Variants in CCSER1 observed in about 807,000 individuals in gnomAD.
The protein encoded by CCSER1 is serine-rich coiled-coil domain-containing protein 1.
Under a neutral mutation model 82.0 loss-of-function variants are expected in CCSER1, and 41 were observed. The observed-to-expected ratio is 0.50, with a 90% CI of 0.39 to 0.65. The LOEUF (loss-of-function observed/expected upper bound fraction) is 0.65, where lower values mean the gene tolerates loss of function less well. Ranked by LOEUF, CCSER1 falls within the 30% of genes least tolerant of loss-of-function variation. CCSER1 has a pLI of 0.00. For missense variants in CCSER1, 1,119 were observed against 1,064.2 expected (o/e 1.05, Z -0.72); for synonymous variants, 414 against 383.9 (o/e 1.08, Z -0.92).
chr4:91,486,469 T>A (rs6532311), intron 10 of CCSER1, among the ~76,000 whole-genome samples: 121,888 of 151,968 alleles, frequency 0.8, 49,063 homozygotes, highest in East Asian at 0.93. Context: ...CCAAAATTTA[T>A]TTAGTCATTT....
At chr4:91,166,296 A>G (rs1732069096) in intron 10 of CCSER1, among the ~76,000 whole-genome samples, 1 of 152,172 alleles carries the variant, frequency 6.6e-6, no homozygotes, top group South Asian at 2.1e-4. Context: ...CCATTTGTTC[A>G]TTAATTCAGC....
chr4:90,276,771 A>G (rs918399518), intron 1 of CCSER1, among the ~76,000 whole-genome samples: 1 of 152,168 alleles, frequency 6.6e-6, no homozygotes, highest in Admixed American at 6.6e-5. Flanking sequence ...TTCTTTTAAC[A>G]GTGTTTTGTC....
Position 90,376,595 on chromosome 4 carries a change from A to G in CCSER1, c.1510-23441A>G, listed in dbSNP as rs764457359. Among the ~76,000 whole-genome samples the G allele has an allele frequency of 7.2e-5, 11 of 152,276 alleles. No individual in the cohort carries two copies. In the South Asian group the frequency reaches 1.7e-3, roughly 23 times the overall value. On this transcript the variant is annotated intron_variant, in intron 3 of 10. Transcript: ENST00000509176. ...GTCTGTGTCTGGAACCCTGGGGCAC[A>G]TGGTTGAGATCATTTCTACAAGTCA...
intron 9 of CCSER1, among the ~76,000 whole-genome samples, chr4:91,049,503 T>C (rs1186036043): frequency 6.6e-6 from 1 of 152,236 alleles, no homozygotes; most frequent in Admixed American, 6.5e-5. Context: ...GGAAGATTTT[T>C]CCATTTTCAA....
chr4:90,265,721 A>G (rs1725119434), intron 1 of CCSER1, among the ~76,000 whole-genome samples: 1 of 152,154 alleles, frequency 6.6e-6, no homozygotes, highest in Non-Finnish European at 1.5e-5. Flanking sequence ...TGAAATATTA[A>G]TTGCATGATC....
chr4:90,130,621 T>C (rs1005119670), intron 1 of CCSER1, among the ~76,000 whole-genome samples: 4 of 152,158 alleles, frequency 2.6e-5, no homozygotes, highest in African/African-American at 9.6e-5. Context: ...CACATTCTAT[T>C]CTTTTTTTTT....
At chr4:91,008,018 T>A (rs1353739589) in intron 9 of CCSER1, among the ~76,000 whole-genome samples, 1 of 152,146 alleles carries the variant, frequency 6.6e-6, no homozygotes. Context: ...AAGAGTGTGA[T>A]GTTTAATTTC....
chr4:91,408,577 A>G (rs1392749847), intron 10 of CCSER1, among the ~76,000 whole-genome samples: 1 of 152,160 alleles, frequency 6.6e-6, no homozygotes, highest in East Asian at 1.9e-4. Context: ...ATCTCTTCCT[A>G]AATTTTATTT....
intron 1 of CCSER1, among the ~76,000 whole-genome samples, chr4:90,135,102 A>G (rs1418000331): frequency 6.6e-6 from 1 of 152,182 alleles, no homozygotes; most frequent in Non-Finnish European, 1.5e-5. Context: ...AGCCTTAACC[A>G]TGCTCCTGAT....
chr4:90,615,289 G>A (rs924468760), intron 5 of CCSER1, among the ~76,000 whole-genome samples: 13 of 152,152 alleles, frequency 8.5e-5, no homozygotes, highest in Admixed American at 1.3e-4. Flanking sequence ...CTCATGGATC[G>A]TTGAGGAATT....
At chr4:91,084,583 T>C (rs1319108349) in intron 9 of CCSER1, among the ~76,000 whole-genome samples, 1 of 152,174 alleles carries the variant, frequency 6.6e-6, no homozygotes, top group Non-Finnish European at 1.5e-5. Context: ...TGAATACTAC[T>C]TCAGAATTTA....
At chr4:90,855,601 T>C (rs1764373049) in intron 8 of CCSER1, among the ~76,000 whole-genome samples, 1 of 152,196 alleles carries the variant, frequency 6.6e-6, no homozygotes, top group Non-Finnish European at 1.5e-5. Flanking sequence ...CAATAATATT[T>C]ACTTAAAATT....
intron 10 of CCSER1, among the ~76,000 whole-genome samples, chr4:91,181,178 G>C (rs991606385): frequency 1.3e-5 from 2 of 152,172 alleles, no homozygotes; most frequent in African/African-American, 4.8e-5. Context: ...CAGATTTTGG[G>C]GGGCCTGCTC....
At chr4:90,497,473 T>C (rs974607588) in intron 5 of CCSER1, among the ~76,000 whole-genome samples, 1 of 152,176 alleles carries the variant, frequency 6.6e-6, no homozygotes, top group Admixed American at 6.5e-5. Context: ...TCCTCATAAC[T>C]AAGAATAAAA....
chr4:91,117,373 A>G (rs1030579248), intron 10 of CCSER1, among the ~76,000 whole-genome samples: 6 of 152,202 alleles, frequency 3.9e-5, no homozygotes, highest in Non-Finnish European at 5.9e-5. Context: ...AGTTGGCCTT[A>G]AGCAAGCTAT....
At chr4:91,539,317 C>G (rs1055235797) in intron 10 of CCSER1, among the ~76,000 whole-genome samples, 1 of 152,034 alleles carries the variant, frequency 6.6e-6, no homozygotes, top group Non-Finnish European at 1.5e-5. Flanking sequence ...TAATACTGAT[C>G]TTTATCCATG....
At chr4:91,045,073 C>A (rs35442682) in intron 9 of CCSER1, among the ~76,000 whole-genome samples, 1 of 151,826 alleles carries the variant, frequency 6.6e-6, no homozygotes, top group African/African-American at 2.4e-5. Context: ...GTATCTTATA[C>A]ATATAAACCT....
intron 6 of CCSER1, among the ~76,000 whole-genome samples, chr4:90,662,090 C>T (rs1730922047): frequency 6.6e-6 from 1 of 151,666 alleles, no homozygotes; most frequent in African/African-American, 2.4e-5. Context: ...CCTCCGCCTC[C>T]CAGGTTCACG....
In CCSER1 at chr4:91,387,736, AT is replaced by A. The variant is rs575579965; in HGVS notation, c.2218-210835del. On this transcript the variant is annotated intron_variant, in intron 10 of 10. Coordinates refer to ENST00000509176, the MANE Select transcript of CCSER1 (RefSeq NM_001145065.2). ...AAGGAGTTAACTAAATGATAAAAAA[AT>A]GATAAGACAGATAAGAGAGATAAGA... 2.1e-4 allele frequency among the ~76,000 whole-genome samples: 24 copies of A among 116,158 alleles called. No homozygotes were observed. The South Asian group carries it at 6.5e-3, about 32-fold the overall frequency. 76.2% of individuals were successfully genotyped at this position (116,158 alleles called of 152,430 possible). A position where few individuals can be genotyped will look rare whatever the true frequency, so the allele number is the denominator to read the frequency against.
Sources: gnomAD v4.1 joint callset for allele counts (sites outside exome capture counted in the v4.1 genomes callset) on GRCh38, gnomAD v4.1.1 for gene constraint, MANE v1.5 for transcripts, NCBI Gene and HGNC (gene_info 2026-07-23, HGNC 2026-07-21) for gene names.